DNM1: variants seen among roughly 807,000 people sequenced by gnomAD.
DNM1 encodes the protein dynamin 1.
DNM1 carries 29 observed loss-of-function variants against 104.6 expected under a neutral mutation model. The ratio of observed to expected loss-of-function variants is 0.28; its 90% CI spans 0.21 to 0.38. The LOEUF (loss-of-function observed/expected upper bound fraction) is 0.38, where lower values mean the gene tolerates loss of function less well. DNM1 is among the 10% of genes least tolerant of loss of function. DNM1 has a pLI of 1.00. For missense variants in DNM1, 640 were observed against 1,189.4 expected (o/e 0.54, Z 6.79); for synonymous variants, 445 against 475.8 (o/e 0.94, Z 0.84).
Position 128,219,263 on chromosome 9 carries a change from A to G in DNM1, c.589+11A>G, listed in dbSNP as rs1022351123. ...AGGTGGACCCCCAGGGTAGGTTCCC[A>G]CCCGGTGGCCAATGCACAAAACCCC... On this transcript the variant is annotated intron_variant, in intron 4 of 21. Transcript: ENST00000372923. 19 of 1,612,916 alleles carry G rather than the reference A, an allele frequency of 1.2e-5. 1 individual carries two copies. Among genetic ancestry groups the G allele is most frequent in the Non-Finnish European group, 1.6e-5 (19 of 1,179,302 alleles).
At chr9:128,217,187 C>T (rs983416148) in intron 1 of DNM1, among the ~76,000 whole-genome samples, 5 of 152,196 alleles carry the variant, frequency 3.3e-5, no homozygotes, top group Admixed American at 1.3e-4. Flanking sequence ...AAAGGCGGCT[C>T]GGTTCACAGG....
chr9:128,246,733 T>C (rs113630498), intron 16 of DNM1, among the ~76,000 whole-genome samples: 2 of 138,770 alleles, frequency 1.4e-5, no homozygotes, highest in South Asian at 2.4e-4. Flanking sequence ...CCTTCCTCCC[T>C]TCCTTCCTTC....
chr9:128,251,202 C>T, intron 21 of DNM1: 2 of 661,224 alleles, frequency 3.0e-6, no homozygotes, highest in East Asian at 6.0e-5. Flanking sequence ...TTCTTTCCAG[C>T]ACTTGCATGG....
At chr9:128,250,464 T>A in intron 20 of DNM1, 108 bp downstream of exon 20, 1 of 1,243,946 alleles carries the variant, frequency 8.0e-7, no homozygotes, top group Non-Finnish European at 1.1e-6. Flanking sequence ...GGCTCCCACC[T>A]GGAGCGAGGG....
In DNM1 at chr9:128,234,073, A is replaced by G. The variant is rs748564448; in HGVS notation, c.1388A>G (p.His463Arg). ...GAGATGGAGCGCATCGTGACCACCCACATCCGGGAGCGCGAGGGCCGCACT... is the reference window on the plus strand; with the variant it reads ...GAGATGGAGCGCATCGTGACCACCCGCATCCGGGAGCGCGAGGGCCGCACT... ...REEMERIVTT[H>R]IREREGRTKE... is the part of the protein sequence containing the mutation. The change falls in exon 11 of 22, where the codon CAC becomes CGC. Residue 463 changes from histidine (H) to arginine (R), a missense_variant. Coordinates refer to ENST00000372923, the MANE Select transcript of DNM1 (RefSeq NM_004408.4). 2 of 1,576,964 alleles carry G rather than the reference A, an allele frequency of 1.3e-6. No homozygotes were observed. Among genetic ancestry groups the G allele is most frequent in the African/African-American group, 1.4e-5 (1 of 73,816 alleles).
In DNM1 at chr9:128,250,750, C is replaced by A; in HGVS notation, c.2344C>A (p.Gln782Lys). The A allele has an allele frequency of 7.0e-7, 1 of 1,436,316 alleles. No individual in the cohort carries two copies. The highest frequency in any genetic ancestry group is 9.1e-7 in the Non-Finnish European group (1 of 1,099,470). 89.0% of individuals were successfully genotyped at this position (1,436,316 alleles called of 1,614,324 possible). A position where few individuals can be genotyped will look rare whatever the true frequency, so the allele number is the denominator to read the frequency against. Residue 782 changes from glutamine (Q) to lysine (K), a missense_variant, in exon 21 of 22, where the codon CAG (glutamine) becomes AAG (lysine). This residue lies in a region of DNM1 where 129 missense variants were observed against 224.6 expected (regional missense o/e 0.57). Transcript: ENST00000372923. ...GTCGCCCACGTCCAGCCCCACGCCG[C>A]AGCGCCGAGCCCCCGCCGTGCCCCC... is the stretch of plus-strand genomic sequence containing the variant. ...RRSPTSSPTP[Q>K]RRAPAVPPAR...
chr9:128,233,355 G>C (rs938020798), intron 10 of DNM1, among the ~76,000 whole-genome samples: 1 of 152,128 alleles, frequency 6.6e-6, no homozygotes, highest in Non-Finnish European at 1.5e-5. Flanking sequence ...CAGGCCCCGC[G>C]GGGTACTGCT....
chr9:128,207,506 C>T (rs543218391), intron 1 of DNM1, among the ~76,000 whole-genome samples: 1 of 152,144 alleles, frequency 6.6e-6, no homozygotes, highest in Admixed American at 6.5e-5. Context: ...ACCCCCCACC[C>T]CAGTGCTCCT....
intron 1 of DNM1, among the ~76,000 whole-genome samples, chr9:128,205,312 G>A (rs1833867744): frequency 6.6e-6 from 1 of 152,164 alleles, no homozygotes; most frequent in African/African-American, 2.4e-5. Context: ...TCAGGCTTGG[G>A]GTAGGGAGGG....
rs1159810909 is a variant in DNM1 at position 128,203,869 on chromosome 9, C to G, written c.161+238C>G. ...AAGCCTCCGGCTACCGAATCACGCC[C>G]CCTCCTCCGTCCCATCCTTTAGGGC... On this transcript the variant is annotated intron_variant, in intron 1 of 21. Transcript: ENST00000372923. The surrounding 1 kb of genome is among the most constrained non-coding windows in gnomAD (Gnocchi z 5.3). 1.3e-5 allele frequency among the ~76,000 whole-genome samples: 2 copies of G among 152,048 alleles called. No individual in the cohort carries two copies. Among genetic ancestry groups the G allele is most frequent in the African/African-American group, 4.8e-5 (2 of 41,400 alleles).
rs372893922 is a variant in DNM1, at chr9:128,213,739, T to C, written c.162-4492T>C. On this transcript the variant is annotated intron_variant, in intron 1 of 21. Transcript: ENST00000372923. ...ATCTTCCATTCCCTCTTTTGGTCAGTGCGGGTGTCCTGAGAGTCTGCTACA... is the reference window on the plus strand; with the variant it reads ...ATCTTCCATTCCCTCTTTTGGTCAGCGCGGGTGTCCTGAGAGTCTGCTACA... Among the ~76,000 whole-genome samples, 280 of 152,272 alleles carry C rather than the reference T, an allele frequency of 1.8e-3. 2 individuals are homozygous for C. Among genetic ancestry groups the C allele is most frequent in the African/African-American group, 6.3e-3 (262 of 41,554 alleles).
rs2302425 is a variant in DNM1 at position 128,248,447 on chromosome 9, A to G, written c.1906-136A>G. The G allele has an allele frequency of 0.072, 67,241 of 939,786 alleles. 3,258 individuals carry two copies. Among genetic ancestry groups the G allele is most frequent in the East Asian group, 0.18 (6,917 of 37,988 alleles). 58.2% of individuals were successfully genotyped at this position (939,786 alleles called of 1,614,324 possible). On this transcript the variant is annotated intron_variant, in intron 18 of 21. Coordinates refer to ENST00000372923, the MANE Select transcript of DNM1 (RefSeq NM_004408.4). This position sits in a 1 kb window ranked among gnomAD's most constrained non-coding sequence, Gnocchi z 5.6. ...CTGAGAGGCACAGGGATGCGGAGCC[A>G]GGTATGTATTCAGGCCAGTCGCTTC... is the stretch of plus-strand genomic sequence containing the variant.
At chr9:128,225,393 G>A (rs181445440) in intron 10 of DNM1, among the ~76,000 whole-genome samples, 54 of 152,306 alleles carry the variant, frequency 3.5e-4, no homozygotes, top group African/African-American at 1.2e-3. Flanking sequence ...GGGAGGTCAG[G>A]CTGCTATACT....
At chr9:128,234,182 T>C in intron 11 of DNM1, 75 bp downstream of exon 11, 1 of 1,242,950 alleles carries the variant, frequency 8.0e-7, no homozygotes, top group Non-Finnish European at 1.1e-6. Flanking sequence ...CTCCTGGCCC[T>C]GGGGTTGCTT....
Position 128,247,804 on chromosome 9 carries a change from G to A in DNM1, c.1894-120G>A. 4 of 1,337,336 alleles carry A rather than the reference G, an allele frequency of 3.0e-6. No homozygotes were observed. The highest frequency in any genetic ancestry group is 4.2e-6 in the Non-Finnish European group (4 of 963,646). The allele number at this position is 1,337,336 out of a possible 1,614,324, so 82.8% of individuals were successfully genotyped here. A position where few individuals can be genotyped will look rare whatever the true frequency, so the allele number is the denominator to read the frequency against. On this transcript the variant is annotated intron_variant, in intron 17 of 21. Coordinates refer to ENST00000372923, the MANE Select transcript of DNM1 (RefSeq NM_004408.4). The surrounding 1 kb of genome is among the most constrained non-coding windows in gnomAD (Gnocchi z 5.1). ...ACTGTGGCGATGTCTAGAGTAGCCT[G>A]AGAGTTGGGGTGCAGTATCCCAGGT...
intron 11 of DNM1, among the ~76,000 whole-genome samples, chr9:128,235,536 A>T: frequency 6.6e-6 from 1 of 152,036 alleles, no homozygotes; most frequent in Non-Finnish European, 1.5e-5. Context: ...CTTGAATAAT[A>T]TTCCATTGTA....
Position 128,224,741 on chromosome 9 carries a change from G to A in DNM1, c.1335+352G>A, listed in dbSNP as rs1036211388. Among the ~76,000 whole-genome samples the A allele has an allele frequency of 3.9e-5, 6 of 152,066 alleles. No individual in the cohort carries two copies. Among genetic ancestry groups the A allele is most frequent in the African/African-American group, 1.2e-4 (5 of 41,400 alleles). On this transcript the variant is annotated intron_variant, in intron 10 of 21. Coordinates refer to ENST00000372923, the MANE Select transcript of DNM1 (RefSeq NM_004408.4). The surrounding 1 kb of genome is among the most constrained non-coding windows in gnomAD (Gnocchi z 4.3). ...GTGTCATCTTTGGGAGCTCCAGGGA[G>A]GGGTCTGGGGAAACCTTAGCCTTGG...
rs1242815716 is a variant in DNM1 at position 128,254,623 on chromosome 9, GT to G, written c.2535-27del. 5.8e-6 allele frequency: 9 copies of G among 1,563,106 alleles called. No homozygotes were observed. Among genetic ancestry groups the G allele is most frequent in the Non-Finnish European group, 8.6e-7 (1 of 1,159,326 alleles). Reference sequence around the variant, plus strand: ...AGCTCTCTCCTCGCTTTTCTCTCCCGTTTTCTCTCTGCTTTCTCTCCAACTG... The same window carrying G: ...AGCTCTCTCCTCGCTTTTCTCTCCCGTTTCTCTCTGCTTTCTCTCCAACTG... On this transcript the variant is annotated intron_variant, in intron 21 of 21. Coordinates refer to ENST00000372923, the MANE Select transcript of DNM1 (RefSeq NM_004408.4). This position sits in a 1 kb window ranked among gnomAD's most constrained non-coding sequence, Gnocchi z 6.1.
In DNM1 at chr9:128,222,373, C is replaced by G. The variant is rs3814527; in HGVS notation, c.992+34C>G. On this transcript the variant is annotated intron_variant, in intron 7 of 21. Coordinates refer to ENST00000372923, the MANE Select transcript of DNM1 (RefSeq NM_004408.4). This position sits in a 1 kb window ranked among gnomAD's most constrained non-coding sequence, Gnocchi z 7.8. ...CCCCCAGCTCCTATCACTGAATCCC[C>G]GCCCCCAGCCTCTCAGCGTGGGGCT... 6.2e-7 allele frequency: 1 copy of G among 1,608,110 alleles called. No homozygotes were observed. Among genetic ancestry groups the G allele is most frequent in the Non-Finnish European group, 8.5e-7 (1 of 1,175,888 alleles).
Sources: gnomAD v4.1 joint callset for allele counts (sites outside exome capture counted in the v4.1 genomes callset) on GRCh38, gnomAD v4.1.1 for gene constraint, gnomAD v4.1.1 regional missense constraint, Gnocchi (gnomAD v3.1) non-coding constraint, MANE v1.5 for transcripts, NCBI Gene and HGNC (gene_info 2026-07-23, HGNC 2026-07-21) for gene names.